The following FSTL5 variants were observed in gnomAD, a reference collection of about 807,000 sequenced individuals.
FSTL5 encodes the protein follistatin like 5.
A neutral mutation model predicts 89.1 loss-of-function variants in FSTL5; 62 were observed. The ratio of observed to expected loss-of-function variants is 0.70; its 90% CI spans 0.57 to 0.86. The LOEUF (loss-of-function observed/expected upper bound fraction) is 0.86, where lower values mean the gene tolerates loss of function less well. Among genes scored for constraint, FSTL5 ranks in the 40% least tolerant of loss-of-function variants. FSTL5 has a pLI of 0.00. For synonymous variants in FSTL5, 383 were observed against 346.2 expected (o/e 1.11, Z -1.18); for missense variants, 1,057 against 1,001.6 (o/e 1.06, Z -0.75).
chr4:161,926,407 GT>G (rs1356312134), intron 3 of FSTL5, among the ~76,000 whole-genome samples: 1 of 127,362 alleles, frequency 7.9e-6, no homozygotes, highest in Non-Finnish European at 1.7e-5. Flanking sequence ...TTTTTTTTTT[GT>G]TTTGTTTTTT....
intron 6 of FSTL5, among the ~76,000 whole-genome samples, chr4:161,727,961 C>T (rs911896886): frequency 1.3e-5 from 2 of 152,038 alleles, no homozygotes; most frequent in Non-Finnish European, 2.9e-5. Context: ...CCAGCCCTGG[C>T]GACAGAGCTA....
At chr4:161,467,775 TTATC>T (rs1447219815) in intron 13 of FSTL5, among the ~76,000 whole-genome samples, 1 of 152,062 alleles carries the variant, frequency 6.6e-6, no homozygotes, top group Non-Finnish European at 1.5e-5. Context: ...ATGGAACTCA[TTATC>T]TAAAGAGGCG....
intron 7 of FSTL5, among the ~76,000 whole-genome samples, chr4:161,611,131 T>C (rs923415110): frequency 6.7e-6 from 1 of 148,382 alleles, no homozygotes; most frequent in Non-Finnish European, 1.5e-5. Context: ...TACATATATA[T>C]ATATATGTAT....
intron 4 of FSTL5, among the ~76,000 whole-genome samples, chr4:161,799,386 T>A (rs1438075839): frequency 2.0e-5 from 3 of 151,670 alleles, no homozygotes; most frequent in Non-Finnish European, 3.0e-5. Context: ...CTAAGTGGTA[T>A]CAATTCAGTT....
chr4:162,131,891 C>T (rs72986923), intron 1 of FSTL5, among the ~76,000 whole-genome samples: 14,515 of 152,158 alleles, frequency 0.095, 881 homozygotes, highest in African/African-American at 0.16. Flanking sequence ...AGAGAGTGTT[C>T]GATAAAAGTT....
intron 2 of FSTL5, chr4:162,043,231 C>A (rs555780703): frequency 1.1e-4 from 16 of 152,224 alleles, no homozygotes; most frequent in African/African-American, 3.9e-4. Flanking sequence ...TGGGGAAGAT[C>A]TAAAATTAAT....
At chr4:161,654,119 C>A (rs1355407659) in intron 7 of FSTL5, among the ~76,000 whole-genome samples, 1 of 151,726 alleles carries the variant, frequency 6.6e-6, no homozygotes, top group African/African-American at 2.4e-5. Context: ...ATCATTTTTC[C>A]AAAAATTTTG....
intron 7 of FSTL5, among the ~76,000 whole-genome samples, chr4:161,641,639 A>G (rs931448825): frequency 2.6e-5 from 4 of 151,476 alleles, no homozygotes; most frequent in Non-Finnish European, 4.4e-5. Context: ...ATACAGGCAT[A>G]CGCCCCCACG....
In FSTL5 at chr4:161,461,293, A is replaced by C. The variant is rs71610967; in HGVS notation, c.1609-1974T>G. Among the ~76,000 whole-genome samples the C allele has an allele frequency of 2.9e-3, 373 of 128,532 alleles. 11 individuals carry two copies. The highest frequency in any genetic ancestry group is 0.015 in the Middle Eastern group (4 of 264). 84.3% of individuals were successfully genotyped at this position (128,532 alleles called of 152,430 possible). A position where few individuals can be genotyped will look rare whatever the true frequency, so the allele number is the denominator to read the frequency against. ...CCCCGTCTCTACTAAAAATACAAAA[A>C]AAACAAACAAACAAAAAAATTAGCC... On this transcript the variant is annotated intron_variant, in intron 13 of 15. Coordinates refer to ENST00000306100, the MANE Select transcript of FSTL5 (RefSeq NM_020116.5).
intron 4 of FSTL5, among the ~76,000 whole-genome samples, chr4:161,847,764 C>A (rs990731741): frequency 6.6e-6 from 1 of 151,890 alleles, no homozygotes; most frequent in Non-Finnish European, 1.5e-5. Flanking sequence ...CTGCCAGGTG[C>A]GGTGGCACAC....
At chr4:161,958,414 T>A (rs1427535090) in intron 3 of FSTL5, among the ~76,000 whole-genome samples, 1 of 152,154 alleles carries the variant, frequency 6.6e-6, no homozygotes, top group Non-Finnish European at 1.5e-5. Flanking sequence ...ATTGAAAGTT[T>A]TACTTTCTTA....
chr4:161,493,943 C>A (rs926131789), intron 12 of FSTL5, among the ~76,000 whole-genome samples: 6 of 152,008 alleles, frequency 3.9e-5, no homozygotes, highest in African/African-American at 1.4e-4. Flanking sequence ...GTTGTTACCC[C>A]CAATTTTAGG....
chr4:161,729,696 G>A (rs1403392372), intron 6 of FSTL5, among the ~76,000 whole-genome samples: 1 of 152,170 alleles, frequency 6.6e-6, no homozygotes, highest in Non-Finnish European at 1.5e-5. Context: ...TTGAAATAAA[G>A]CAAGCAAAAT....
rs188949793 is a variant in FSTL5 at position 161,861,927 on chromosome 4, T to C, written c.409+58477A>G. On this transcript the variant is annotated intron_variant, in intron 4 of 15. Coordinates refer to ENST00000306100, the MANE Select transcript of FSTL5 (RefSeq NM_020116.5). ...TTCATTCCATCTCACTGAAAAGTAA[T>C]GTAACATCATTACTCTTTCCTCACC... Among the ~76,000 whole-genome samples the C allele has an allele frequency of 5.9e-5, 9 of 152,310 alleles. No homozygotes were observed. In the East Asian group the frequency reaches 1.7e-3, roughly 29 times the overall value.
At chr4:161,845,449 A>G (rs1230966120) in intron 4 of FSTL5, among the ~76,000 whole-genome samples, 1 of 152,184 alleles carries the variant, frequency 6.6e-6, no homozygotes, top group East Asian at 1.9e-4. Flanking sequence ...TCACTGTTTA[A>G]TAGACAATTG....
intron 15 of FSTL5, among the ~76,000 whole-genome samples, chr4:161,453,149 C>A (rs1733230842): frequency 6.6e-6 from 1 of 152,046 alleles, no homozygotes; most frequent in South Asian, 2.1e-4. Flanking sequence ...TAGGGTGAAA[C>A]CACTCCCAAC....
intron 4 of FSTL5, among the ~76,000 whole-genome samples, chr4:161,844,201 C>A (rs779825551): frequency 6.6e-6 from 1 of 152,170 alleles, no homozygotes. Context: ...AGCTCATCAT[C>A]ACTGGTCATT....
chr4:162,073,070 C>G (rs915695900), intron 2 of FSTL5, among the ~76,000 whole-genome samples: 1 of 151,754 alleles, frequency 6.6e-6, no homozygotes, highest in African/African-American at 2.4e-5. Context: ...TTTGGTGATT[C>G]ATCTTATTGC....
At chr4:161,562,795 A>G (rs1167774737) in intron 8 of FSTL5, among the ~76,000 whole-genome samples, 2 of 151,968 alleles carry the variant, frequency 1.3e-5, no homozygotes, top group African/African-American at 4.8e-5. Context: ...ACTCATCTCC[A>G]TAACTCTTGC....
Sources: gnomAD v4.1 joint callset for allele counts (sites outside exome capture counted in the v4.1 genomes callset) on GRCh38, gnomAD v4.1.1 for gene constraint, MANE v1.5 for transcripts, NCBI Gene and HGNC (gene_info 2026-07-23, HGNC 2026-07-21) for gene names.